Variants in YBEY observed in about 807,000 individuals in gnomAD.
The protein encoded by YBEY is endoribonuclease YbeY.
In YBEY, 15 loss-of-function variants were observed where a neutral mutation model predicts 13.5. The observed-to-expected ratio is 1.11, with a 90% CI of 0.75 to 1.72. The LOEUF (loss-of-function observed/expected upper bound fraction) is 1.72, where lower values mean the gene tolerates loss of function less well. Among genes scored for constraint, YBEY ranks in the 40% most tolerant of loss-of-function variants. YBEY has a pLI of 0.00. For synonymous variants in YBEY, 101 were observed against 83.1 expected (o/e 1.21, Z -1.17); for missense variants, 244 against 208.4 (o/e 1.17, Z -1.05).
intron 2 of YBEY, among the ~76,000 whole-genome samples, chr21:46,290,488 G>C (rs1319930527): frequency 6.6e-6 from 1 of 151,980 alleles, no homozygotes; most frequent in Non-Finnish European, 1.5e-5. Context: ...ACAGCTGTGA[G>C]CCACCACGCC....
Position 46,297,712 on chromosome 21 carries a change from CG to C in YBEY, c.*79del. 8.0e-7 allele frequency: 1 copy of C among 1,255,710 alleles called. No homozygotes were observed. Among genetic ancestry groups the C allele is most frequent in the Non-Finnish European group, 1.0e-6 (1 of 991,634 alleles). The allele number at this position is 1,255,710 out of a possible 1,614,324, so 77.8% of individuals were successfully genotyped here. ...GCCGGGGTCGCACACGAATAAATAA[CG>C]AATGAACGTACGAGGGGAACCTCCT... On this transcript the variant is annotated 3_prime_UTR_variant, in exon 5 of 5. Coordinates refer to ENST00000397701, the MANE Select transcript of YBEY (RefSeq NM_001314025.2).
At chr21:46,298,640 A>G (rs977046898), downstream of YBEY, among the ~76,000 whole-genome samples, 1 of 151,572 alleles carries the variant, frequency 6.6e-6, no homozygotes, top group Non-Finnish European at 1.5e-5. Flanking sequence ...TGTGTTAGCC[A>G]GGATGGTCTC....
intron 3 of YBEY, 199 bp downstream of exon 3, chr21:46,291,661 G>A (rs937367252): frequency 2.2e-6 from 3 of 1,363,040 alleles, no homozygotes; most frequent in Non-Finnish European, 2.8e-6. Context: ...AGGAGGGAGA[G>A]AACACGCTGT....
At chr21:46,302,688 C>A, downstream of YBEY, 1 of 852,632 alleles carries the variant, frequency 1.2e-6, no homozygotes, top group Non-Finnish European at 1.9e-6. Context: ...CTGTGCAGGT[C>A]CCCGGGGCAG....
At position 46,286,934 on chromosome 21, in the gene YBEY, T is replaced by C. The variant is rs773201485; in HGVS notation, c.21T>C (p.Asn7=). The change falls in exon 2 of 5, where the codon AAT becomes AAC. Residue 7 remains asparagine (N), a synonymous_variant. Coordinates refer to ENST00000397701, the MANE Select transcript of YBEY (RefSeq NM_001314025.2). ...CTGAAATGAGTTTGGTGATTAGAAA[T>C]CTGCAGCGAGTCATCCCCATCAGGA... MSLVIR[N]LQRVIPIRRA... 5 of 1,613,856 alleles carry C rather than the reference T, an allele frequency of 3.1e-6. No individual in the cohort carries two copies. The African/African-American group carries it at 5.3e-5, about 17-fold the overall frequency.
At chr21:46,306,619 ACT>A in the YBEY span, among the ~76,000 whole-genome samples, 1 of 151,988 alleles carries the variant, frequency 6.6e-6, no homozygotes, top group East Asian at 1.9e-4. Flanking sequence ...ACAGGGTTTC[ACT>A]CTCTTGCCCA....
At chr21:46,297,362 A>T (rs1816117911) in intron 4 of YBEY, among the ~76,000 whole-genome samples, 177 bp from the exon 5 acceptor site, 1 of 141,670 alleles carries the variant, frequency 7.1e-6, no homozygotes, top group African/African-American at 2.7e-5. Flanking sequence ...GCACTCGCTG[A>T]GCTCAGGTTC....
chr21:46,297,041 G>A (rs926272502), intron 4 of YBEY, among the ~76,000 whole-genome samples: 2 of 152,126 alleles, frequency 1.3e-5, no homozygotes, highest in Non-Finnish European at 2.9e-5. Flanking sequence ...GCTCACGCCT[G>A]TAATCCCAGC....
At chr21:46,297,826 C>T (rs1036927296), downstream of YBEY, 1 of 1,191,726 alleles carries the variant, frequency 8.4e-7, no homozygotes, top group African/African-American at 1.6e-5. Flanking sequence ...GTCTGGAGTT[C>T]AGGGAACGCG....
At chr21:46,311,086 G>A in the YBEY span, among the ~76,000 whole-genome samples, 1 of 151,912 alleles carries the variant, frequency 6.6e-6, no homozygotes, top group Non-Finnish European at 1.5e-5. Context: ...GGGCCAGGCT[G>A]GTCTCGAACT....
At chr21:46,308,261 G>T in the YBEY span, among the ~76,000 whole-genome samples, 2 of 152,086 alleles carry the variant, frequency 1.3e-5, no homozygotes, top group African/African-American at 4.8e-5. Flanking sequence ...AGGAGTTCGA[G>T]ACCAGCCTGG....
At chr21:46,312,135 G>C in the YBEY span, among the ~76,000 whole-genome samples, 1 of 151,824 alleles carries the variant, frequency 6.6e-6, no homozygotes, top group Admixed American at 6.6e-5. Context: ...ATCCATCCAA[G>C]GAGAACTTTA....
the YBEY span, among the ~76,000 whole-genome samples, chr21:46,303,145 C>T: frequency 2.0e-5 from 3 of 151,792 alleles, no homozygotes; most frequent in Non-Finnish European, 4.4e-5. Context: ...GCCTGGGCAA[C>T]CAGGGCGAAA....
intron 2 of YBEY, among the ~76,000 whole-genome samples, chr21:46,288,280 C>T (rs1477702232): frequency 2.0e-5 from 3 of 152,234 alleles, no homozygotes; most frequent in Non-Finnish European, 4.4e-5. Flanking sequence ...AGGCTTCCCA[C>T]ATTGTAGCAG....
the YBEY span, among the ~76,000 whole-genome samples, chr21:46,303,455 C>T: frequency 6.6e-6 from 1 of 151,644 alleles, no homozygotes; most frequent in African/African-American, 2.4e-5. Flanking sequence ...GGGCTCATTA[C>T]AGAAATTATA....
At chr21:46,303,707 AAATATATAT>A in the YBEY span, among the ~76,000 whole-genome samples, 210 of 41,420 alleles carry the variant, frequency 5.1e-3, 1 homozygote, top group Non-Finnish European at 7.4e-3. Context: ...CACACACACA[AAATATATAT>A]ATATATATAT....
intron 2 of YBEY, among the ~76,000 whole-genome samples, chr21:46,288,168 T>A (rs377609304): frequency 5.3e-5 from 8 of 152,146 alleles, no homozygotes; most frequent in African/African-American, 1.9e-4. Flanking sequence ...TTGGAAAAAT[T>A]AAAACAACAC....
At chr21:46,312,701 T>C in the YBEY span, among the ~76,000 whole-genome samples, 1 of 152,208 alleles carries the variant, frequency 6.6e-6, no homozygotes, top group African/African-American at 2.4e-5. Context: ...GCCACTTTAA[T>C]AGAGATGCAG....
chr21:46,296,728 C>T (rs1388799493), intron 4 of YBEY, among the ~76,000 whole-genome samples: 2 of 152,204 alleles, frequency 1.3e-5, no homozygotes, highest in East Asian at 1.9e-4. Flanking sequence ...GGCGCAGTGG[C>T]TCACGCCTGT....
Sources: allele counts gnomAD v4.1 joint callset (sites outside exome capture counted in the v4.1 genomes callset), GRCh38; gene constraint gnomAD v4.1.1; transcripts MANE v1.5; gene names NCBI Gene and HGNC (gene_info 2026-07-23, HGNC 2026-07-21).